DDX10: variants seen among roughly 807,000 people sequenced by gnomAD.
DDX10 encodes the protein DEAD-box helicase 10, also known as probable ATP-dependent RNA helicase DDX10.
Under a neutral mutation model 104.3 loss-of-function variants are expected in DDX10, and 74 were observed. The observed-to-expected ratio is 0.71, with a 90% CI of 0.59 to 0.86. DDX10 has a LOEUF of 0.86. Among genes scored for constraint, DDX10 ranks in the 40% least tolerant of loss-of-function variants. The pLI is 0.00. For missense variants in DDX10, 952 were observed against 1,040.0 expected, an observed-to-expected ratio of 0.92 and a Z score of 1.16; for synonymous variants, 351 against 353.4, an observed-to-expected ratio of 0.99 and a Z score of 0.08.
At position 108,781,509 on chromosome 11, in the gene DDX10, A is replaced by C. The variant is rs550697457; in HGVS notation, c.1966-56937A>C. ...TTGTGGTATATGCCAAATAGTATTC[A>C]TAATACTGAACTATATGGAGGGATT... On this transcript the variant is annotated intron_variant, in intron 13 of 17. Transcript: ENST00000322536. Among the ~76,000 whole-genome samples the C allele has an allele frequency of 3.9e-5, 6 of 152,314 alleles. No homozygotes were observed. The South Asian group carries it at 1.2e-3, about 32-fold the overall frequency.
At chr11:108,815,505 A>G (rs1862243441) in intron 13 of DDX10, among the ~76,000 whole-genome samples, 1 of 152,216 alleles carries the variant, frequency 6.6e-6, no homozygotes, top group African/African-American at 2.4e-5. Context: ...GTTTGAAACA[A>G]TCTGTGTATA....
At chr11:108,936,614 T>C (rs1864041076) in intron 17 of DDX10, among the ~76,000 whole-genome samples, 1 of 152,236 alleles carries the variant, frequency 6.6e-6, no homozygotes, top group South Asian at 2.1e-4. Flanking sequence ...GTGTTGGTTT[T>C]ATAATATTGT....
intron 13 of DDX10, among the ~76,000 whole-genome samples, chr11:108,780,588 T>C (rs1029816208): frequency 7.9e-5 from 12 of 152,194 alleles, no homozygotes; most frequent in African/African-American, 2.9e-4. Flanking sequence ...GTGATTTTCC[T>C]AGTGTACCAC....
At chr11:108,909,895 G>A (rs2134656427) in intron 16 of DDX10, among the ~76,000 whole-genome samples, 1 of 152,292 alleles carries the variant, frequency 6.6e-6, no homozygotes, top group East Asian at 1.9e-4. Flanking sequence ...ACTTGAGGTG[G>A]AAAGAGGCTT....
chr11:108,755,528 G>A (rs2094343420), intron 13 of DDX10, among the ~76,000 whole-genome samples: 1 of 151,996 alleles, frequency 6.6e-6, no homozygotes, highest in African/African-American at 2.4e-5. Flanking sequence ...GATAGACCAT[G>A]TGGGCCATAA....
At chr11:108,888,458 C>A (rs915051393) in intron 16 of DDX10, among the ~76,000 whole-genome samples, 1 of 152,136 alleles carries the variant, frequency 6.6e-6, no homozygotes, top group Non-Finnish European at 1.5e-5. Flanking sequence ...GTAAAATATA[C>A]TCTCTTCTGG....
intron 13 of DDX10, among the ~76,000 whole-genome samples, chr11:108,765,350 G>T (rs2094355271): frequency 6.6e-6 from 1 of 152,130 alleles, no homozygotes; most frequent in Admixed American, 6.6e-5. Context: ...TATTTGAATA[G>T]GGATAAGAAA....
chr11:108,732,803 G>A lies in DDX10; in HGVS notation c.1965+9341G>A, dbSNP rs2094313881. ...GGGTGTTCAGAAAGTTGACCTCCAG[G>A]GAGACAGTGTTAGATAAGAGCATGA... On this transcript the variant is annotated intron_variant, in intron 13 of 17. Transcript: ENST00000322536. Among the ~76,000 whole-genome samples the A allele has an allele frequency of 3.9e-5, 6 of 152,234 alleles. No homozygotes were observed. In the South Asian group the frequency reaches 1.2e-3, roughly 32 times the overall value.
At chr11:108,751,992 A>T (rs1026526153) in intron 13 of DDX10, among the ~76,000 whole-genome samples, 2 of 152,134 alleles carry the variant, frequency 1.3e-5, no homozygotes, top group African/African-American at 4.8e-5. Flanking sequence ...TCTCTCCACC[A>T]TATCAGCCAG....
chr11:108,844,989 G>A (rs1047924099), intron 15 of DDX10, among the ~76,000 whole-genome samples: 2 of 152,130 alleles, frequency 1.3e-5, no homozygotes, highest in African/African-American at 4.8e-5. Flanking sequence ...AAGGTCAGGA[G>A]ATCGAGACCA....
At chr11:108,853,476 A>G (rs914819630) in intron 16 of DDX10, among the ~76,000 whole-genome samples, 8 of 152,128 alleles carry the variant, frequency 5.3e-5, no homozygotes, top group Non-Finnish European at 1.2e-4. Context: ...TTATTCATGC[A>G]TATTTGTATA....
intron 13 of DDX10, among the ~76,000 whole-genome samples, chr11:108,724,262 G>GT (rs578117641): frequency 7.9e-5 from 12 of 151,630 alleles, no homozygotes; most frequent in African/African-American, 2.7e-4. Context: ...TTAGAAGAGT[G>GT]TTTCTTTAAG....
chr11:108,922,315 G>C (rs1863845261), intron 17 of DDX10: 1 of 152,064 alleles, frequency 6.6e-6, no homozygotes, highest in Non-Finnish European at 1.5e-5. Context: ...AAGCACGAGG[G>C]AGGAAGGGAG....
intron 13 of DDX10, among the ~76,000 whole-genome samples, chr11:108,832,251 G>A (rs924029672): frequency 9.2e-5 from 14 of 152,232 alleles, no homozygotes; most frequent in African/African-American, 3.4e-4. Flanking sequence ...ACTTTAAGAA[G>A]TTAAATTTAG....
chr11:108,726,938 GGTGATGAC>G (rs1414203348), intron 13 of DDX10, among the ~76,000 whole-genome samples: 2 of 152,042 alleles, frequency 1.3e-5, no homozygotes, highest in Non-Finnish European at 2.9e-5. Flanking sequence ...TAAACATTAA[GGTGATGAC>G]GTGGTGGTTT....
chr11:108,915,433 T>C (rs970477271), intron 16 of DDX10, among the ~76,000 whole-genome samples: 1 of 111,180 alleles, frequency 9.0e-6, no homozygotes, highest in South Asian at 2.8e-4. Context: ...AAAAGGCTTG[T>C]TTTTTTTTTT....
rs546525914 is a variant in DDX10 at position 108,928,882 on chromosome 11, C to A, written c.2450+10864C>A. On this transcript the variant is annotated intron_variant, in intron 17 of 17. Coordinates refer to ENST00000322536, the MANE Select transcript of DDX10 (RefSeq NM_004398.4). Reference sequence around the variant, plus strand: ...ATGTCCTCTAGGATAGCTACTTTTCCTTGTTTTCCTCATTGAAGTCATTCA... The same window carrying A: ...ATGTCCTCTAGGATAGCTACTTTTCATTGTTTTCCTCATTGAAGTCATTCA... 7.2e-5 allele frequency among the ~76,000 whole-genome samples: 11 copies of A among 152,276 alleles called. No homozygotes were observed. The South Asian group carries it at 2.3e-3, about 32-fold the overall frequency.
rs1009771094 is a variant in DDX10 at position 108,924,687 on chromosome 11, G to A, written c.2450+6669G>A. The stretch of plus-strand genomic sequence containing the variant: ...CCACTGTAGTTTCTCCTAGTATTGA[G>A]TTCTGTGACATCTCTTAAATAAGTT... On this transcript the variant is annotated intron_variant, in intron 17 of 17. Coordinates refer to ENST00000322536, the MANE Select transcript of DDX10 (RefSeq NM_004398.4). Among the ~76,000 whole-genome samples the A allele has an allele frequency of 3.3e-5, 5 of 152,116 alleles. No homozygotes were observed. The South Asian group carries it at 6.2e-4, about 19-fold the overall frequency.
intron 13 of DDX10, 96 bp from the exon 14 acceptor site, chr11:108,838,349 TG>T (rs1264597213): frequency 9.2e-6 from 12 of 1,305,554 alleles, no homozygotes; most frequent in Non-Finnish European, 1.3e-5. Flanking sequence ...GAGTAATAAA[TG>T]TACCCAGTTT....
Sources: allele counts gnomAD v4.1 joint callset (sites outside exome capture counted in the v4.1 genomes callset), GRCh38; gene constraint gnomAD v4.1.1; transcripts MANE v1.5; gene names NCBI Gene and HGNC (gene_info 2026-07-23, HGNC 2026-07-21).